The following FAM227A variants were observed in gnomAD, a reference collection of about 807,000 sequenced individuals.
The protein encoded by FAM227A is family with sequence similarity 227 member A.
Under a neutral mutation model 74.7 loss-of-function variants are expected in FAM227A, and 80 were observed. That is an observed-to-expected ratio of 1.07 (90% confidence interval 0.89 to 1.29). The LOEUF is 1.29. FAM227A is among the 50% of genes most tolerant of loss of function. FAM227A has a pLI of 0.00. For missense variants in FAM227A, 654 were observed against 683.4 expected (o/e 0.96, Z 0.48); for synonymous variants, 237 against 241.8 (o/e 0.98, Z 0.19).
chr22:38,656,323 G>A lies in FAM227A; in HGVS notation c.-298C>T, dbSNP rs954365324. On this transcript the variant is annotated 5_prime_UTR_variant, in exon 1 of 17. Transcript: ENST00000535113. Reference sequence around the variant, plus strand: ...TACTCTGAGTCCAGGCGTTCTCTAGGCAACGCCGGCGCGGTCTCCACTTTC... The same window carrying A: ...TACTCTGAGTCCAGGCGTTCTCTAGACAACGCCGGCGCGGTCTCCACTTTC... 2 of 152,324 alleles carry A rather than the reference G, an allele frequency of 1.3e-5. No homozygotes were observed. The highest frequency in any genetic ancestry group is 6.5e-5 in the Admixed American group (1 of 15,276). The allele number at this position is 152,324 out of a possible 1,614,324, so 9.4% of individuals were successfully genotyped here.
chr22:38,642,999 A>G (rs1345110906), intron 3 of FAM227A, among the ~76,000 whole-genome samples: 1 of 151,198 alleles, frequency 6.6e-6, no homozygotes, highest in East Asian at 2.0e-4. Flanking sequence ...AAACTCAACA[A>G]TAAGAAAATA....
chr22:38,607,328 G>T (rs577911291), intron 12 of FAM227A, 61 bp downstream of exon 12: 1,044 of 1,289,728 alleles, frequency 8.1e-4, no homozygotes, highest in Non-Finnish European at 1.1e-3. Context: ...CAAGAAACCA[G>T]GGTTTTGGAG....
rs1569213871 is a variant in FAM227A at position 38,620,237 on chromosome 22, T to C, written c.1013A>G (p.Gln338Arg). The change falls in exon 11 of 17, where the codon CAG becomes CGG. Residue 338 changes from glutamine (Q) to arginine (R), a missense_variant. By Grantham distance (43) the Gln-to-Arg change is conservative. Coordinates refer to ENST00000535113, the MANE Select transcript of FAM227A (RefSeq NM_001013647.2). The part of the protein sequence containing the change: ...GKRAFSQKPA[Q>R]SRKFYHPQSS... The stretch of plus-strand genomic sequence containing the variant: ...CTGAGGGTGGTAGAATTTCCTGCTC[T>C]GGGCTGGCTTCTGGGAGAAGGCTCT... The C allele has an allele frequency of 6.4e-7, 1 of 1,551,428 alleles. No individual in the cohort carries two copies. The highest frequency in any genetic ancestry group is 2.4e-5 in the East Asian group (1 of 40,920).
chr22:38,605,873 G>A (rs1017362099), intron 12 of FAM227A, among the ~76,000 whole-genome samples: 2 of 152,042 alleles, frequency 1.3e-5, no homozygotes, highest in Non-Finnish European at 2.9e-5. Flanking sequence ...TAACTTCTCT[G>A]AGCCTCCATT....
At chr22:38,643,611 A>C (rs1013726904) in intron 3 of FAM227A, among the ~76,000 whole-genome samples, 1 of 152,086 alleles carries the variant, frequency 6.6e-6, no homozygotes, top group Non-Finnish European at 1.5e-5. Context: ...TTACAAAACT[A>C]AACTCTCACC....
intron 13 of FAM227A, among the ~76,000 whole-genome samples, chr22:38,600,223 T>TA (rs1356271425): frequency 6.6e-6 from 1 of 151,954 alleles, no homozygotes; most frequent in Non-Finnish European, 1.5e-5. Flanking sequence ...GTTGATAACC[T>TA]AAAAAAGGTT....
rs150537921 is a variant in FAM227A at position 38,636,920 on chromosome 22, G to A, written c.373-323C>T. Among the ~76,000 whole-genome samples, 254 of 151,748 alleles carry A rather than the reference G, an allele frequency of 1.7e-3. 2 individuals carry two copies. The highest frequency in any genetic ancestry group is 5.9e-3 in the African/African-American group (246 of 41,394). ...TGAGTAGCTGGGATTACAGGTGCCC[G>A]CCACCATGCCCAGCTAATTTTTTGT... On this transcript the variant is annotated intron_variant, in intron 5 of 16. Coordinates refer to ENST00000535113, the MANE Select transcript of FAM227A (RefSeq NM_001013647.2).
chr22:38,608,832 G>A (rs1339635667), intron 11 of FAM227A, among the ~76,000 whole-genome samples: 3 of 119,362 alleles, frequency 2.5e-5, no homozygotes, highest in East Asian at 2.4e-4. Flanking sequence ...AGTTTTGCTC[G>A]TTACTCAGGG....
intron 3 of FAM227A, among the ~76,000 whole-genome samples, chr22:38,642,813 G>C (rs1396285264): frequency 6.6e-6 from 1 of 151,992 alleles, no homozygotes; most frequent in African/African-American, 2.4e-5. Context: ...CCACATGTCT[G>C]TAATCCCAGC....
chr22:38,642,883 T>C (rs917232785), intron 3 of FAM227A, among the ~76,000 whole-genome samples: 4 of 149,978 alleles, frequency 2.7e-5, no homozygotes, highest in African/African-American at 7.4e-5. Flanking sequence ...TTGCAGTGAG[T>C]CCAGATTGCA....
rs2090678274 is a variant in FAM227A, at chr22:38,578,270, G to A, written c.*7855C>T. The A allele has an allele frequency of 6.6e-6, 1 of 152,080 alleles. No individual in the cohort carries two copies. Among genetic ancestry groups the A allele is most frequent in the Non-Finnish European group, 1.5e-5 (1 of 68,012 alleles). The allele number at this position is 152,080 out of a possible 1,614,324, so 9.4% of individuals were successfully genotyped here. On this transcript the variant is annotated 3_prime_UTR_variant, in exon 17 of 17. Coordinates refer to ENST00000535113, the MANE Select transcript of FAM227A (RefSeq NM_001013647.2). ...TATGACATTACGAAGGCTAAGAGTCGCTAGGTGATAGGAATTGTTTAGTTC... is the reference window on the plus strand; with the variant it reads ...TATGACATTACGAAGGCTAAGAGTCACTAGGTGATAGGAATTGTTTAGTTC...
chr22:38,636,519 T>A lies in FAM227A; in HGVS notation c.451A>T (p.Asn151Tyr). 1 of 1,551,686 alleles carries A rather than the reference T, an allele frequency of 6.4e-7. No homozygotes were observed. Among genetic ancestry groups the A allele is most frequent in the Non-Finnish European group, 8.7e-7 (1 of 1,146,974 alleles). ...ACCATGTCACAGAAGTCCACGCCAT[T>A]CGGAAGCTTGTTTGGCTTGGAGCTG... ...FNSSKPNKLP[N>Y]GVDFCDMVGN... The change falls in exon 6 of 17, where the codon AAT becomes TAT. Residue 151 changes from asparagine to tyrosine, a missense_variant. Asn to Tyr is a moderately radical substitution (Grantham distance 143, BLOSUM62 -2). Coordinates refer to ENST00000535113, the MANE Select transcript of FAM227A (RefSeq NM_001013647.2).
In FAM227A at chr22:38,583,051, A is replaced by G; in HGVS notation, c.*3074T>C. 1 of 1,333,372 alleles carries G rather than the reference A, an allele frequency of 7.5e-7. No individual in the cohort carries two copies. Among genetic ancestry groups the G allele is most frequent in the Non-Finnish European group, 1.0e-6 (1 of 964,094 alleles). 82.6% of individuals were successfully genotyped at this position (1,333,372 alleles called of 1,614,324 possible). On this transcript the variant is annotated 3_prime_UTR_variant, in exon 17 of 17. Transcript: ENST00000535113. ...AGTGTGGTTCCTAGAGAAACTGCAA[A>G]TGAAGAGTTGACAGTGGCTGGGGTA... is the stretch of plus-strand genomic sequence containing the variant.
chr22:38,631,325 G>A (rs544725230), intron 6 of FAM227A, among the ~76,000 whole-genome samples: 62 of 152,224 alleles, frequency 4.1e-4, no homozygotes, highest in African/African-American at 1.4e-3. Flanking sequence ...TTATAAGTGG[G>A]AGCTGAACAC....
intron 3 of FAM227A, among the ~76,000 whole-genome samples, chr22:38,644,341 AGGACTGTTGG>A (rs138640318): frequency 0.027 from 3,971 of 147,520 alleles, 198 homozygotes; most frequent in East Asian, 0.067. Flanking sequence ...TGGAGCACAG[AGGACTGTTGG>A]GACAGCGAAA....
At chr22:38,633,634 C>T (rs972389230) in intron 6 of FAM227A, among the ~76,000 whole-genome samples, 18 of 152,166 alleles carry the variant, frequency 1.2e-4, no homozygotes, top group African/African-American at 4.1e-4. Flanking sequence ...CTCCACCTCC[C>T]GGGTTCAAGC....
chr22:38,649,582 T>G (rs1488073581), intron 2 of FAM227A, among the ~76,000 whole-genome samples: 5 of 134,664 alleles, frequency 3.7e-5, no homozygotes, highest in African/African-American at 5.6e-5. Context: ...AAAAAAGGAA[T>G]ATGGCTGGGC....
rs1482583798 is a variant in FAM227A, at chr22:38,578,382, T to TAC, written c.*7741_*7742dup. 6.6e-6 allele frequency: 1 copy of TAC among 152,224 alleles called. No individual in the cohort carries two copies. The highest frequency in any genetic ancestry group is 1.5e-5 in the Non-Finnish European group (1 of 68,052). The allele number at this position is 152,224 out of a possible 1,614,324, so 9.4% of individuals were successfully genotyped here. The stretch of plus-strand genomic sequence containing the variant: ...CGTGGTGCATGACTGTGTGTATGTA[T>TAC]ACACACACATACATGTATATTTAAT... On this transcript the variant is annotated 3_prime_UTR_variant, in exon 17 of 17. Transcript: ENST00000535113.
intron 1 of FAM227A, among the ~76,000 whole-genome samples, chr22:38,653,022 G>C (rs571017276): frequency 3.9e-5 from 6 of 152,244 alleles, no homozygotes; most frequent in Non-Finnish European, 7.4e-5. Flanking sequence ...CACACAGCAG[G>C]AAGTGAGTGG....
Sources: allele counts gnomAD v4.1 joint callset (sites outside exome capture counted in the v4.1 genomes callset), GRCh38; gene constraint gnomAD v4.1.1; transcripts MANE v1.5; gene names NCBI Gene and HGNC (gene_info 2026-07-23, HGNC 2026-07-21).